MX2: variants seen among roughly 807,000 people sequenced by gnomAD.
MX2 encodes interferon-induced GTP-binding protein Mx2.
A neutral mutation model predicts 74.0 loss-of-function variants in MX2; 51 were observed. The observed-to-expected ratio is 0.69, with a 90% CI of 0.55 to 0.87. The LOEUF is 0.87. MX2 is among the 40% of genes least tolerant of loss of function. The pLI is 0.00. For synonymous variants in MX2, 369 were observed against 339.3 expected (o/e 1.09, Z -0.96); for missense variants, 832 against 908.7 (o/e 0.92, Z 1.09).
intron 1 of MX2, among the ~76,000 whole-genome samples, chr21:41,371,675 C>T (rs1601393039): frequency 6.6e-6 from 1 of 152,116 alleles, no homozygotes; most frequent in Non-Finnish European, 1.5e-5. Context: ...CACTCAGAGA[C>T]GGTCACGCCA....
chr21:41,399,085 C>A, intron 9 of MX2, 66 bp downstream of exon 9: 1 of 1,595,970 alleles, frequency 6.3e-7, no homozygotes, highest in African/African-American at 1.3e-5. Flanking sequence ...AGCTGCCCTT[C>A]CCCTTCTTCA....
At chr21:41,397,712 G>A (rs1232950833) in intron 8 of MX2, 21 bp downstream of exon 8, 2 of 1,605,932 alleles carry the variant, frequency 1.2e-6, no homozygotes, top group African/African-American at 2.7e-5. Flanking sequence ...TGGGTTGGGT[G>A]ACAAGTCATC....
chr21:41,373,789 C>T (rs2089357899), intron 1 of MX2: 1 of 147,404 alleles, frequency 6.8e-6, no homozygotes, highest in Non-Finnish European at 1.5e-5. Context: ...GCCTTGCTTT[C>T]CCAGACTCTC....
At chr21:41,375,904 G>C (rs1171144077) in intron 1 of MX2, among the ~76,000 whole-genome samples, 1 of 152,184 alleles carries the variant, frequency 6.6e-6, no homozygotes, top group Non-Finnish European at 1.5e-5. Context: ...GCCCAGCTCT[G>C]AGTCCTGGCT....
intron 1 of MX2, chr21:41,373,756 G>T (rs896635808): frequency 3.4e-5 from 5 of 148,096 alleles, no homozygotes; most frequent in African/African-American, 1.3e-4. Context: ...CAGAAAGAGA[G>T]CTAGGCACCA....
chr21:41,397,783 G>T, intron 8 of MX2, 92 bp downstream of exon 8: 4 of 1,073,760 alleles, frequency 3.7e-6, no homozygotes, highest in Non-Finnish European at 5.7e-6. Flanking sequence ...CCACTGATCT[G>T]TCCAAACAAG....
chr21:41,405,968 T>C (rs140955213), intron 12 of MX2, among the ~76,000 whole-genome samples: 1 of 151,938 alleles, frequency 6.6e-6, no homozygotes, highest in East Asian at 1.9e-4. Flanking sequence ...CCTCCCAAAG[T>C]GCTGGGATTA....
chr21:41,390,728 G>A (rs758187108), intron 6 of MX2, 25 bp downstream of exon 6: 42 of 1,611,308 alleles, frequency 2.6e-5, no homozygotes, highest in Non-Finnish European at 3.2e-5. Flanking sequence ...CCAAGTGGCC[G>A]GGTGCGGTGG....
Position 41,368,424 on chromosome 21 carries a change from A to G in MX2, c.-72+6369A>G, listed in dbSNP as rs2089286930. On this transcript the variant is annotated intron_variant, in intron 1 of 13. Transcript: ENST00000330714. This position sits in a 1 kb window ranked among gnomAD's most constrained non-coding sequence, Gnocchi z 4.6. ...ATTCCTTACTCAACAGGCCCGTGTC[A>G]GAAAATCCTCCCTAAACTGCAATGG... Among the ~76,000 whole-genome samples the G allele has an allele frequency of 6.6e-6, 1 of 152,198 alleles. No homozygotes were observed. The highest frequency in any genetic ancestry group is 1.5e-5 in the Non-Finnish European group (1 of 68,024).
Position 41,406,936 on chromosome 21 carries a change from A to T in MX2, c.1843A>T (p.Ser615Cys), listed in dbSNP as rs755850241. The T allele has an allele frequency of 1.9e-6, 3 of 1,614,014 alleles. No homozygotes were observed. In the African/African-American group the frequency reaches 4.0e-5, roughly 22 times the overall value. The change falls in exon 13 of 14, where the codon AGT becomes TGT. Residue 615 changes from serine to cysteine, a missense_variant. Physicochemically the swap from Ser to Cys is moderately radical, Grantham distance 112 (BLOSUM62 -1). Coordinates refer to ENST00000330714, the MANE Select transcript of MX2 (RefSeq NM_002463.2). ...QNMKLNSHFP[S>C]NESSVSSFTE... ...TATGAAGTTGAACTCTCATTTTCCC[A>T]GTAATGAGTCTTCGGTTTCCTCCTT...
At position 41,409,314 on chromosome 21, in the gene MX2, T is replaced by A. The variant is rs2089924587; in HGVS notation, c.*1081T>A. The A allele has an allele frequency of 6.6e-6, 1 of 152,178 alleles. No homozygotes were observed. Among genetic ancestry groups the A allele is most frequent in the Admixed American group, 6.5e-5 (1 of 15,276 alleles). 9.4% of individuals were successfully genotyped at this position (152,178 alleles called of 1,614,324 possible). A position where few individuals can be genotyped will look rare whatever the true frequency, so the allele number is the denominator to read the frequency against. On this transcript the variant is annotated 3_prime_UTR_variant, in exon 14 of 14. Coordinates refer to ENST00000330714, the MANE Select transcript of MX2 (RefSeq NM_002463.2). ...ACCAGTGATCATCATTATGGGTAATTTTCTTTTCTTCTTCATGTTTTCCTG... is the reference window on the plus strand; with the variant it reads ...ACCAGTGATCATCATTATGGGTAATATTCTTTTCTTCTTCATGTTTTCCTG...
At chr21:41,370,767 G>A (rs536559401) in intron 1 of MX2, 1 of 152,238 alleles carries the variant, frequency 6.6e-6, no homozygotes, top group Non-Finnish European at 1.5e-5. Context: ...CATGCGGGTT[G>A]TGTTTTATGG....
chr21:41,386,219 C>CAAAA lies in MX2; in HGVS notation c.732+3682_732+3685dup, dbSNP rs59005802. On this transcript the variant is annotated intron_variant, in intron 5 of 13. Coordinates refer to ENST00000330714, the MANE Select transcript of MX2 (RefSeq NM_002463.2). ...TGGGCAACAGAGTAATACTCCATCT[C>CAAAA]AAAAAAAAAAAAAAAAAAAAAAAAA... 7.9e-3 allele frequency among the ~76,000 whole-genome samples: 254 copies of CAAAA among 32,090 alleles called. 3 individuals carry two copies. Among genetic ancestry groups the CAAAA allele is most frequent in the Middle Eastern group, 0.029 (1 of 34 alleles). 21.1% of individuals were successfully genotyped at this position (32,090 alleles called of 152,430 possible).
chr21:41,379,518 G>C (rs2089459567), intron 3 of MX2, among the ~76,000 whole-genome samples: 1 of 152,148 alleles, frequency 6.6e-6, no homozygotes, highest in Non-Finnish European at 1.5e-5. Flanking sequence ...CACTCCTTGA[G>C]AGGGGTTCCA....
chr21:41,377,737 C>T lies in MX2; in HGVS notation c.250-52C>T. On this transcript the variant is annotated intron_variant, in intron 2 of 13. Coordinates refer to ENST00000330714, the MANE Select transcript of MX2 (RefSeq NM_002463.2). ...AACTCTGCCACACATCTCCATGACA[C>T]CAGGGACCCTATCAGGGGTCAAGGC... The T allele has an allele frequency of 6.5e-6, 10 of 1,547,742 alleles. No individual in the cohort carries two copies. The East Asian group carries it at 2.0e-4, about 32-fold the overall frequency.
At position 41,409,362 on chromosome 21, in the gene MX2, T is replaced by C. The variant is rs992112009; in HGVS notation, c.*1129T>C. The C allele has an allele frequency of 2.0e-5, 3 of 152,226 alleles. No homozygotes were observed. The highest frequency in any genetic ancestry group is 2.9e-5 in the Non-Finnish European group (2 of 68,034). 9.4% of individuals were successfully genotyped at this position (152,226 alleles called of 1,614,324 possible). ...CTGTATGTTTCAAATGATGAACATA[T>C]AGATTCCTTAATAAAAAGGCAATAG... On this transcript the variant is annotated 3_prime_UTR_variant, in exon 14 of 14. Transcript: ENST00000330714.
intron 6 of MX2, among the ~76,000 whole-genome samples, chr21:41,395,004 A>AAGG (rs1472092813): frequency 1.5e-4 from 23 of 151,944 alleles, no homozygotes; most frequent in African/African-American, 5.1e-4. Context: ...GGAAGGAAGG[A>AAGG]AAGAAGGAAG....
At chr21:41,393,110 C>CAAAAAAAAAAAAAAAAAAAAAAAAAA (rs373955778) in intron 6 of MX2, among the ~76,000 whole-genome samples, 3 of 60,076 alleles carry the variant, frequency 5.0e-5, no homozygotes, top group African/African-American at 1.0e-4. Context: ...CTCAAAAAAG[C>CAAAAAAAAAAAAAAAAAAAAAAAAAA]AAAAAAAAAA....
At chr21:41,365,525 C>G (rs1466836774) in intron 1 of MX2, 1 of 152,150 alleles carries the variant, frequency 6.6e-6, no homozygotes, top group African/African-American at 2.4e-5. Flanking sequence ...ATTATGGCCT[C>G]CAGTTCCATC....
Sources: allele counts gnomAD v4.1 joint callset (sites outside exome capture counted in the v4.1 genomes callset), GRCh38; gene constraint gnomAD v4.1.1; non-coding constraint Gnocchi (gnomAD v3.1); transcripts MANE v1.5; gene names NCBI Gene and HGNC (gene_info 2026-07-23, HGNC 2026-07-21).